Variants in C5 observed in about 807,000 individuals in gnomAD.
The protein encoded by C5 is C3 and PZP-like alpha-2-macroglobulin domain-containing protein 4.
In C5, 140 loss-of-function variants were observed where a neutral mutation model predicts 218.8. That is an observed-to-expected ratio of 0.64 (90% CI 0.56 to 0.74). The LOEUF (loss-of-function observed/expected upper bound fraction) is 0.74. C5 is among the 30% of genes least tolerant of loss of function. The pLI is 0.00. For missense variants in C5, 1,700 were observed against 1,969.6 expected, an observed-to-expected ratio of 0.86 and a Z score of 2.59; for synonymous variants, 614 against 682.3, an observed-to-expected ratio of 0.90 and a Z score of 1.56.
At chr9:120,983,382 G>A (rs929645111) in intron 25 of C5, among the ~76,000 whole-genome samples, 2 of 152,106 alleles carry the variant, frequency 1.3e-5, no homozygotes, top group African/African-American at 4.8e-5. Context: ...CCATCGAAGA[G>A]TATCAGAGAG....
At chr9:120,958,969 T>C (rs1244921692) in intron 38 of C5, among the ~76,000 whole-genome samples, 1 of 152,136 alleles carries the variant, frequency 6.6e-6, no homozygotes, top group Non-Finnish European at 1.5e-5. Context: ...GTATTTTTTG[T>C]AGAGACAAGG....
intron 33 of C5, among the ~76,000 whole-genome samples, chr9:120,967,717 C>A (rs74978523): frequency 0.016 from 2,383 of 151,710 alleles, 61 homozygotes; most frequent in African/African-American, 0.049. Flanking sequence ...ATATTCTTTT[C>A]TTTTTCTTTT....
In C5 at chr9:120,976,770, T is replaced by C. The variant is rs775781584; in HGVS notation, c.3794A>G (p.Asn1265Ser). 10 of 1,614,072 alleles carry C rather than the reference T, an allele frequency of 6.2e-6. No homozygotes were observed. The highest frequency in any genetic ancestry group is 1.6e-4 in the Middle Eastern group (1 of 6,084). The change falls in exon 29 of 41, where the codon AAT becomes AGT. Residue 1265 changes from asparagine to serine, a missense_variant. Asn to Ser is a conservative substitution (Grantham distance 46). Transcript: ENST00000223642. Reference protein sequence around the residue: ...LLTSLNLKDINYVNPVIKWLS... With the variant: ...LLTSLNLKDISYVNPVIKWLS... ...CCATTTGATGACTGGGTTAACATAA[T>C]TTATATCTTTCAAGTTCAGACTGGT...
the C5 span, among the ~76,000 whole-genome samples, chr9:121,072,776 A>G: frequency 6.7e-6 from 1 of 150,206 alleles, no homozygotes; most frequent in East Asian, 1.9e-4. Flanking sequence ...ACTGCACTCC[A>G]GCCTGGGTGA....
chr9:120,957,764 C>T (rs1167210129), intron 38 of C5, among the ~76,000 whole-genome samples: 1 of 152,230 alleles, frequency 6.6e-6, no homozygotes, highest in Non-Finnish European at 1.5e-5. Flanking sequence ...GAGGCCTTAT[C>T]TCTCATTCAG....
upstream of C5, among the ~76,000 whole-genome samples, chr9:121,050,793 T>C (rs2131831237): frequency 6.6e-6 from 1 of 152,284 alleles, no homozygotes; most frequent in East Asian, 1.9e-4. Flanking sequence ...AAAGGAGGTC[T>C]AGGGAATTGT....
intron 33 of C5, among the ~76,000 whole-genome samples, chr9:120,964,479 A>T (rs1029839299): frequency 2.6e-5 from 4 of 152,192 alleles, no homozygotes; most frequent in Non-Finnish European, 5.9e-5. Context: ...AAGCAAACAA[A>T]CAAACAAACA....
Position 120,952,795 on chromosome 9 carries a change from C to G in C5, c.4975G>C (p.Ala1659Pro). The change falls in exon 41 of 41, where the codon GCA (alanine) becomes CCA (proline). Residue 1659 changes from alanine (A) to proline (P), a missense_variant. Ala to Pro is a conservative substitution (Grantham distance 27). Transcript: ENST00000223642. ...AATTCATCTAAATTAGCTAAAAATG[C>G]TTGACACGATGAACATGTTGTGTCT... ...PRDTTCSSCQ[A>P]FLANLDEFAE... is the part of the protein sequence containing the mutation. 12 of 1,613,958 alleles carry G rather than the reference C, an allele frequency of 7.4e-6. No homozygotes were observed. Among genetic ancestry groups the G allele is most frequent in the Non-Finnish European group, 1.0e-5 (12 of 1,179,900 alleles).
intron 25 of C5, among the ~76,000 whole-genome samples, chr9:120,987,982 G>A (rs1365292896): frequency 1.3e-5 from 2 of 152,000 alleles, no homozygotes; most frequent in African/African-American, 2.4e-5. Flanking sequence ...TCATAGAGAC[G>A]GGGTTTCACC....
At chr9:120,999,188 A>C (rs2047140561) in intron 20 of C5, among the ~76,000 whole-genome samples, 1 of 152,256 alleles carries the variant, frequency 6.6e-6, no homozygotes, top group South Asian at 2.1e-4. Flanking sequence ...TGGTTTCAGT[A>C]ATAGCCAAAT....
intron 33 of C5, among the ~76,000 whole-genome samples, chr9:120,964,524 AG>A (rs569363354): frequency 7.7e-4 from 117 of 152,348 alleles, no homozygotes; most frequent in African/African-American, 2.6e-3. Flanking sequence ...TTGGATGGTG[AG>A]ATTATAAGCA....
chr9:121,022,858 GA>G (rs532031512), intron 10 of C5, among the ~76,000 whole-genome samples: 148 of 151,762 alleles, frequency 9.8e-4, no homozygotes, highest in African/African-American at 3.4e-3. Context: ...AAAAAAGACA[GA>G]AAAAAAGAGA....
At position 121,017,403 on chromosome 9, in the gene C5, C is replaced by T. The variant is rs745919854; in HGVS notation, c.1825G>A (p.Val609Met). 12 of 1,613,894 alleles carry T rather than the reference C, an allele frequency of 7.4e-6. No individual in the cohort carries two copies. The highest frequency in any genetic ancestry group is 1.6e-4 in the Middle Eastern group (1 of 6,080). Residue 609 changes from valine (V) to methionine (M), a missense_variant, in exon 14 of 41, where the codon GTG becomes ATG. Physicochemically the swap from Val to Met is conservative, Grantham distance 21 (BLOSUM62 1). Coordinates refer to ENST00000223642, the MANE Select transcript of C5 (RefSeq NM_001735.3). ...WVALAAVDSA[V>M]YGVQRGAKKP... Reference sequence around the variant, plus strand: ...TTGGCTCCTCTTTGGACTCCATACACAGCACTGTCCACTGCTGCTAATGCC... The same window carrying T: ...TTGGCTCCTCTTTGGACTCCATACATAGCACTGTCCACTGCTGCTAATGCC...
intron 27 of C5, among the ~76,000 whole-genome samples, chr9:120,981,007 A>C (rs1445471642): frequency 6.6e-6 from 1 of 152,226 alleles, no homozygotes; most frequent in Non-Finnish European, 1.5e-5. Flanking sequence ...AGCAGAAAGA[A>C]ACCCTAACTG....
chr9:121,066,795 A>C, the C5 span, among the ~76,000 whole-genome samples: 1 of 150,182 alleles, frequency 6.7e-6, no homozygotes, highest in African/African-American at 2.5e-5. Context: ...GGTTACAGTG[A>C]GCCCAGATTA....
At chr9:121,002,153 T>C (rs887654872) in intron 20 of C5, among the ~76,000 whole-genome samples, 7 of 148,040 alleles carry the variant, frequency 4.7e-5, no homozygotes, top group African/African-American at 1.7e-4. Flanking sequence ...TGTATATATG[T>C]ATAGATATGT....
chr9:121,006,408 TAGCA>T (rs1158279918), intron 19 of C5, among the ~76,000 whole-genome samples: 2 of 152,204 alleles, frequency 1.3e-5, no homozygotes, highest in African/African-American at 4.8e-5. Context: ...AAAACAAAAG[TAGCA>T]AACAAACAAA....
At chr9:121,041,543 TC>T (rs1437378022) in intron 3 of C5, among the ~76,000 whole-genome samples, 1 of 151,688 alleles carries the variant, frequency 6.6e-6, no homozygotes, top group Non-Finnish European at 1.5e-5. Flanking sequence ...GACCTTGTGA[TC>T]CCCCCACCTC....
chr9:121,036,057 C>A (rs1346189510), intron 4 of C5, among the ~76,000 whole-genome samples: 1 of 151,900 alleles, frequency 6.6e-6, no homozygotes, highest in Non-Finnish European at 1.5e-5. Context: ...CAAAAACATA[C>A]AAACAAAAAC....
Sources: gnomAD v4.1 joint callset for allele counts (sites outside exome capture counted in the v4.1 genomes callset) on GRCh38, gnomAD v4.1.1 for gene constraint, MANE v1.5 for transcripts, NCBI Gene and HGNC (gene_info 2026-07-23, HGNC 2026-07-21) for gene names.